Variants in MGAT5 observed in about 807,000 individuals in gnomAD.
MGAT5 encodes the protein alpha-1,6-mannosylglycoprotein 6-beta-N-acetylglucosaminyltransferase, also known as alpha-1,6-mannosylglycoprotein 6-beta-N-acetylglucosaminyltransferase A.
MGAT5 carries 30 observed loss-of-function variants against 94.3 expected under a neutral mutation model. The ratio of observed to expected loss-of-function variants is 0.32; its 90% CI spans 0.24 to 0.43. The LOEUF is 0.43. Ranked by LOEUF, MGAT5 falls within the 20% of genes least tolerant of loss-of-function variation. MGAT5 has a pLI of 1.00. For missense variants in MGAT5, 691 were observed against 905.5 expected, an observed-to-expected ratio of 0.76 and a Z score of 3.04; for synonymous variants, 310 against 322.9, an observed-to-expected ratio of 0.96 and a Z score of 0.43.
chr2:134,338,823 C>G (rs1003240793), intron 6 of MGAT5, among the ~76,000 whole-genome samples: 3 of 152,040 alleles, frequency 2.0e-5, no homozygotes, highest in African/African-American at 7.2e-5. Flanking sequence ...CATTGTTACT[C>G]TGTCTGGTTG....
At chr2:134,192,539 A>G (rs1005173780) in intron 1 of MGAT5, among the ~76,000 whole-genome samples, 12 of 152,210 alleles carry the variant, frequency 7.9e-5, no homozygotes, top group African/African-American at 2.7e-4. Context: ...ATGGGATATC[A>G]CTGCTACACA....
At chr2:134,371,293 G>C (rs1432511735) in intron 10 of MGAT5, among the ~76,000 whole-genome samples, 1 of 152,174 alleles carries the variant, frequency 6.6e-6, no homozygotes, top group African/African-American at 2.4e-5. Context: ...GGTTTCAGAA[G>C]AAGCTTTTGA....
chr2:134,424,042 A>G (rs572787134), intron 13 of MGAT5, among the ~76,000 whole-genome samples: 1 of 152,328 alleles, frequency 6.6e-6, no homozygotes, highest in South Asian at 2.1e-4. Context: ...GCAACATGCA[A>G]ACGCTCCAGG....
At chr2:134,171,193 T>G (rs1461227444) in intron 1 of MGAT5, among the ~76,000 whole-genome samples, 2 of 152,190 alleles carry the variant, frequency 1.3e-5, no homozygotes, top group African/African-American at 4.8e-5. Flanking sequence ...TTTTATTGCT[T>G]CTTTTGGTTT....
At chr2:134,370,196 C>T (rs1382385231) in intron 10 of MGAT5, among the ~76,000 whole-genome samples, 1 of 152,292 alleles carries the variant, frequency 6.6e-6, no homozygotes, top group African/African-American at 2.4e-5. Flanking sequence ...GCTCTTAGCT[C>T]ATTGTTTTAA....
intron 1 of MGAT5, among the ~76,000 whole-genome samples, chr2:134,144,093 G>A (rs1270585414): frequency 1.3e-5 from 2 of 152,170 alleles, no homozygotes; most frequent in Non-Finnish European, 2.9e-5. Flanking sequence ...GCCGGTTGAA[G>A]ATGAAGCTCA....
At chr2:134,305,743 A>G (rs1016396151) in intron 2 of MGAT5, among the ~76,000 whole-genome samples, 1 of 152,196 alleles carries the variant, frequency 6.6e-6, no homozygotes, top group Non-Finnish European at 1.5e-5. Flanking sequence ...TGTCACTGTT[A>G]CAGTAAGTTA....
intron 4 of MGAT5, among the ~76,000 whole-genome samples, chr2:134,325,825 T>G (rs1390751933): frequency 6.6e-6 from 1 of 152,130 alleles, no homozygotes; most frequent in East Asian, 1.9e-4. Flanking sequence ...TTAGAGAAAC[T>G]GCTTCATTGC....
At chr2:134,124,548 G>C (rs1233414122) in intron 1 of MGAT5, among the ~76,000 whole-genome samples, 1 of 152,216 alleles carries the variant, frequency 6.6e-6, no homozygotes, top group Non-Finnish European at 1.5e-5. Flanking sequence ...TTTGGTGGGA[G>C]CAGTTTGTCT....
intron 2 of MGAT5, among the ~76,000 whole-genome samples, chr2:134,296,605 CAGT>C (rs1685688671): frequency 6.6e-6 from 1 of 151,934 alleles, no homozygotes; most frequent in South Asian, 2.1e-4. Context: ...ACATAAGAGA[CAGT>C]AAAAAATAGA....
At chr2:134,219,884 T>G (rs1048723040) in intron 1 of MGAT5, among the ~76,000 whole-genome samples, 3 of 152,208 alleles carry the variant, frequency 2.0e-5, no homozygotes, top group African/African-American at 7.2e-5. Flanking sequence ...CTTGACCTGT[T>G]TCCTCTGTGA....
intron 2 of MGAT5, among the ~76,000 whole-genome samples, chr2:134,302,397 A>C (rs1003537929): frequency 6.6e-6 from 1 of 152,142 alleles, no homozygotes; most frequent in African/African-American, 2.4e-5. Context: ...CTATGCCCTA[A>C]TATGATTTTT....
intron 2 of MGAT5, among the ~76,000 whole-genome samples, chr2:134,275,186 TCC>T (rs1403732964): frequency 6.6e-6 from 1 of 152,180 alleles, no homozygotes; most frequent in Non-Finnish European, 1.5e-5. Context: ...GTCAGTGAGA[TCC>T]CAGATGCTAC....
At chr2:134,302,752 GTGTGTGT>G (rs1686101530) in intron 2 of MGAT5, among the ~76,000 whole-genome samples, 1 of 150,042 alleles carries the variant, frequency 6.7e-6, no homozygotes, top group Non-Finnish European at 1.5e-5. Flanking sequence ...GTGTGTGTGT[GTGTGTGT>G]GTGTGTGTGT....
chr2:134,213,288 T>C (rs527515538), intron 1 of MGAT5, among the ~76,000 whole-genome samples: 1 of 152,296 alleles, frequency 6.6e-6, no homozygotes, highest in South Asian at 2.1e-4. Flanking sequence ...TTTGCAAACG[T>C]ATTAAACACA....
intron 15 of MGAT5, among the ~76,000 whole-genome samples, chr2:134,445,755 G>A (rs1431981862): frequency 6.6e-6 from 1 of 152,184 alleles, no homozygotes; most frequent in Non-Finnish European, 1.5e-5. Flanking sequence ...GCAGGAGGAT[G>A]TGCTTGTTTG....
At chr2:134,403,550 C>T (rs141000376) in intron 11 of MGAT5, among the ~76,000 whole-genome samples, 15 of 152,336 alleles carry the variant, frequency 9.8e-5, no homozygotes, top group African/African-American at 2.2e-4. Context: ...TTTCCTCATA[C>T]CTCCTTGTTC....
intron 4 of MGAT5, among the ~76,000 whole-genome samples, chr2:134,327,292 C>A (rs1687697851): frequency 6.6e-6 from 1 of 152,068 alleles, no homozygotes; most frequent in Admixed American, 6.6e-5. Context: ...CCAGTGGTAC[C>A]TGAAACTGAG....
chr2:134,415,812 T>G (rs956794461), intron 12 of MGAT5, among the ~76,000 whole-genome samples: 5 of 152,224 alleles, frequency 3.3e-5, no homozygotes, highest in Admixed American at 6.5e-5. Context: ...GAGATAAAGA[T>G]TTGATTTCAT....
Sources: gnomAD v4.1 joint callset for allele counts (sites outside exome capture counted in the v4.1 genomes callset) on GRCh38, gnomAD v4.1.1 for gene constraint, MANE v1.5 for transcripts, NCBI Gene and HGNC (gene_info 2026-07-23, HGNC 2026-07-21) for gene names.